The following RGS7 variants were observed in gnomAD, a reference collection of about 807,000 sequenced individuals.
RGS7 encodes the protein regulator of G-protein signaling 7.
In RGS7, 27 loss-of-function variants were observed where a neutral mutation model predicts 81.1. The ratio of observed to expected loss-of-function variants is 0.33; its 90% confidence interval spans 0.25 to 0.46. The LOEUF (loss-of-function observed/expected upper bound fraction) is 0.46, where lower values mean the gene tolerates loss of function less well. Among genes scored for constraint, RGS7 ranks in the 20% least tolerant of loss-of-function variants. RGS7 has a pLI of 1.00. For synonymous variants in RGS7, 208 were observed against 207.7 expected, an observed-to-expected ratio of 1.00 and a Z score of -0.01; for missense variants, 396 against 607.4, an observed-to-expected ratio of 0.65 and a Z score of 3.66.
At chr1:241,234,463 T>C (rs1022514904) in intron 2 of RGS7, among the ~76,000 whole-genome samples, 4 of 151,994 alleles carry the variant, frequency 2.6e-5, no homozygotes, top group Non-Finnish European at 5.9e-5. Context: ...AATGCATATC[T>C]TGTTTTTCTT....
At chr1:241,109,698 C>G (rs1558731361) in intron 2 of RGS7, among the ~76,000 whole-genome samples, 1 of 152,162 alleles carries the variant, frequency 6.6e-6, no homozygotes, top group East Asian at 1.9e-4. Context: ...TGGCTCACAC[C>G]TGTAATTCCA....
intron 4 of RGS7, among the ~76,000 whole-genome samples, chr1:240,939,756 G>T (rs1345241022): frequency 6.6e-6 from 1 of 152,064 alleles, no homozygotes; most frequent in Non-Finnish European, 1.5e-5. Context: ...ACCAGAGACT[G>T]GGAGTTGGGG....
chr1:241,246,780 T>C (rs1337463360), intron 2 of RGS7, among the ~76,000 whole-genome samples: 1 of 152,022 alleles, frequency 6.6e-6, no homozygotes, highest in Admixed American at 6.6e-5. Flanking sequence ...GAACACACTG[T>C]AAATCTTGTA....
intron 6 of RGS7, among the ~76,000 whole-genome samples, chr1:240,891,777 C>A (rs1668331219): frequency 6.6e-6 from 1 of 152,176 alleles, no homozygotes; most frequent in Non-Finnish European, 1.5e-5. Context: ...ACCCCCATGA[C>A]TTTGCAATTC....
At chr1:241,218,838 TG>T (rs1404244137) in intron 2 of RGS7, among the ~76,000 whole-genome samples, 1 of 151,932 alleles carries the variant, frequency 6.6e-6, no homozygotes, top group Non-Finnish European at 1.5e-5. Flanking sequence ...TTAGTAGAGA[TG>T]GGGTTTCACT....
intron 2 of RGS7, among the ~76,000 whole-genome samples, chr1:241,205,597 A>G (rs1237179996): frequency 6.6e-6 from 1 of 151,604 alleles, no homozygotes; most frequent in Non-Finnish European, 1.5e-5. Flanking sequence ...AACTACAGGC[A>G]TGCAACCACC....
rs114638356 is a variant in RGS7 at position 241,236,562 on chromosome 1, T to C, written c.78+119137A>G. On this transcript the variant is annotated intron_variant, in intron 2 of 18. Transcript: ENST00000440928. ...TTGGTTATGGACAGGAAAGACCTTC[T>C]GTCTTATTAAATGACTCACATGATT... Among the ~76,000 whole-genome samples the C allele has an allele frequency of 3.2e-3, 487 of 152,330 alleles. 3 individuals are homozygous for C. Among genetic ancestry groups the C allele is most frequent in the Middle Eastern group, 0.017 (5 of 294 alleles).
At chr1:241,024,610 T>C (rs1158692620) in intron 3 of RGS7, among the ~76,000 whole-genome samples, 1 of 152,158 alleles carries the variant, frequency 6.6e-6, no homozygotes, top group African/African-American at 2.4e-5. Flanking sequence ...CAAATATAAA[T>C]GTCATTAAAT....
intron 2 of RGS7, among the ~76,000 whole-genome samples, chr1:241,178,334 A>T (rs1473408133): frequency 5.3e-5 from 8 of 152,128 alleles, no homozygotes; most frequent in Non-Finnish European, 4.4e-5. Context: ...AAAAGAAAAG[A>T]TTCTAGGAGA....
At chr1:241,316,609 C>T (rs2080893497) in intron 2 of RGS7, among the ~76,000 whole-genome samples, 1 of 152,146 alleles carries the variant, frequency 6.6e-6, no homozygotes, top group Non-Finnish European at 1.5e-5. Flanking sequence ...ACGACAAATC[C>T]CACTTGGTCC....
intron 3 of RGS7, among the ~76,000 whole-genome samples, chr1:241,084,433 T>C (rs887955722): frequency 6.6e-6 from 1 of 152,206 alleles, no homozygotes; most frequent in Non-Finnish European, 1.5e-5. Context: ...ACAGGTCCTA[T>C]GTCTATGCAA....
intron 2 of RGS7, among the ~76,000 whole-genome samples, chr1:241,334,892 A>G (rs1299772313): frequency 6.6e-6 from 1 of 152,222 alleles, no homozygotes; most frequent in East Asian, 1.9e-4. Context: ...TGCAAGCATC[A>G]TTAAATTATG....
At chr1:241,135,458 A>T (rs1414844377) in intron 2 of RGS7, among the ~76,000 whole-genome samples, 1 of 152,040 alleles carries the variant, frequency 6.6e-6, no homozygotes, top group East Asian at 1.9e-4. Context: ...AAAAAGCAGC[A>T]TGTTGCTCCA....
intron 15 of RGS7, among the ~76,000 whole-genome samples, chr1:240,803,743 G>A (rs904933304): frequency 1.6e-4 from 25 of 151,816 alleles, no homozygotes; most frequent in African/African-American, 5.3e-4. Context: ...CTGGTCTACC[G>A]CAGCTCAGGG....
At chr1:240,870,148 T>C in intron 6 of RGS7, 29 bp from the exon 7 acceptor site, 2 of 1,600,490 alleles carry the variant, frequency 1.2e-6, no homozygotes, top group East Asian at 2.2e-5. Context: ...ATTTCTTGCC[T>C]GCTTATCAAC....
chr1:240,883,225 C>T (rs1172634598), intron 6 of RGS7, among the ~76,000 whole-genome samples: 1 of 151,970 alleles, frequency 6.6e-6, no homozygotes, highest in Admixed American at 6.6e-5. Flanking sequence ...GATAAACCTA[C>T]TGCTAAATGA....
intron 3 of RGS7, among the ~76,000 whole-genome samples, chr1:241,090,008 AAAAAG>A (rs1201794455): frequency 1.3e-5 from 2 of 151,512 alleles, no homozygotes; most frequent in African/African-American, 2.4e-5. Context: ...AAAAAAAAAA[AAAAAG>A]AGAGAGAGAA....
intron 2 of RGS7, among the ~76,000 whole-genome samples, chr1:241,101,437 AG>A (rs2064730145): frequency 6.6e-6 from 1 of 152,012 alleles, no homozygotes; most frequent in Non-Finnish European, 1.5e-5. Context: ...CAGAGCTTGC[AG>A]TGAGCCGAGA....
At chr1:240,801,347 T>C in intron 17 of RGS7, 108 bp downstream of exon 17, 1 of 726,394 alleles carries the variant, frequency 1.4e-6, no homozygotes, top group South Asian at 1.5e-5. Context: ...AGAAACACTT[T>C]TGCTGTTATA....
Sources: gnomAD v4.1 joint callset for allele counts (sites outside exome capture counted in the v4.1 genomes callset) on GRCh38, gnomAD v4.1.1 for gene constraint, MANE v1.5 for transcripts, NCBI Gene and HGNC (gene_info 2026-07-23, HGNC 2026-07-21) for gene names.